Variants in ATF7 observed in about 807,000 individuals in gnomAD.
ATF7 encodes cyclic AMP-dependent transcription factor ATF-7.
In ATF7, 10 loss-of-function variants were observed where a neutral mutation model predicts 50.4. The ratio of observed to expected loss-of-function variants is 0.20; its 90% confidence interval spans 0.12 to 0.34. The LOEUF (loss-of-function observed/expected upper bound fraction) is 0.34. ATF7 is among the 10% of genes least tolerant of loss of function. The pLI, the probability that ATF7 is intolerant of heterozygous loss-of-function variation, is 1.00. For synonymous variants in ATF7, 201 were observed against 226.4 expected (o/e 0.89, Z 1.01); for missense variants, 465 against 613.9 (o/e 0.76, Z 2.56).
intron 2 of ATF7, among the ~76,000 whole-genome samples, chr12:53,568,425 C>T (rs953005999): frequency 1.3e-5 from 2 of 151,980 alleles, no homozygotes; most frequent in African/African-American, 4.8e-5. Context: ...TTCTCTCTCT[C>T]TCCTTCCCTC....
intron 2 of ATF7, among the ~76,000 whole-genome samples, chr12:53,564,114 G>A (rs2137579005): frequency 6.6e-6 from 1 of 152,282 alleles, no homozygotes; most frequent in Middle Eastern, 3.4e-3. Context: ...AGTGGCTTAT[G>A]CCTGTAATCC....
At chr12:53,575,628 T>C (rs2137657657) in intron 2 of ATF7, 1 of 151,852 alleles carries the variant, frequency 6.6e-6, no homozygotes, top group South Asian at 2.1e-4. Flanking sequence ...CAAGCATTAG[T>C]TTTTCATATG....
intron 1 of ATF7, among the ~76,000 whole-genome samples, chr12:53,615,081 A>G (rs1026775343): frequency 6.6e-6 from 1 of 151,726 alleles, no homozygotes; most frequent in African/African-American, 2.4e-5. Flanking sequence ...CGCCATCTCA[A>G]AAGAAAAGAA....
At chr12:53,592,915 T>A (rs1943006381) in intron 2 of ATF7, among the ~76,000 whole-genome samples, 1 of 152,168 alleles carries the variant, frequency 6.6e-6, no homozygotes, top group Non-Finnish European at 1.5e-5. Context: ...ATAAATAATA[T>A]TGGCAAACAC....
At chr12:53,510,211 G>T (rs537221807), downstream of ATF7, among the ~76,000 whole-genome samples, 1 of 152,020 alleles carries the variant, frequency 6.6e-6, no homozygotes, top group Non-Finnish European at 1.5e-5. Context: ...GGCTAGTTTT[G>T]TATTTTTAGT....
intron 9 of ATF7, among the ~76,000 whole-genome samples, chr12:53,531,503 G>A: frequency 6.6e-6 from 1 of 151,660 alleles, no homozygotes. Context: ...CTAACACAAG[G>A]GTGAATAAAG....
intron 2 of ATF7, chr12:53,575,956 T>C (rs575859990): frequency 1.3e-5 from 2 of 153,206 alleles, no homozygotes; most frequent in Admixed American, 1.3e-4. Context: ...ATGCCAGGAG[T>C]TGTGGACAAA....
chr12:53,605,004 T>C (rs1490675770), intron 1 of ATF7, among the ~76,000 whole-genome samples: 2 of 152,148 alleles, frequency 1.3e-5, no homozygotes, highest in African/African-American at 2.4e-5. Flanking sequence ...AGTATACATA[T>C]CATTTAGACG....
At chr12:53,606,919 T>G (rs1288911938) in intron 1 of ATF7, among the ~76,000 whole-genome samples, 3 of 152,120 alleles carry the variant, frequency 2.0e-5, no homozygotes, top group African/African-American at 7.2e-5. Flanking sequence ...TGCATAGTAT[T>G]CCATGGTGTA....
intron 4 of ATF7, chr12:53,543,030 T>A (rs1022231645): frequency 7.9e-7 from 1 of 1,259,382 alleles, no homozygotes; most frequent in South Asian, 2.4e-5. Context: ...CCTTTTAACA[T>A]CTTCAACATA....
intron 1 of ATF7, among the ~76,000 whole-genome samples, chr12:53,623,139 T>G (rs1047297256): frequency 6.6e-6 from 1 of 152,162 alleles, no homozygotes; most frequent in Non-Finnish European, 1.5e-5. Context: ...ATGTAAAAAA[T>G]GTTCTAAAAG....
chr12:53,517,545 G>A, intron 11 of ATF7, 191 bp from the exon 12 acceptor site: 1 of 610,856 alleles, frequency 1.6e-6, no homozygotes, highest in Non-Finnish European at 2.9e-6. Flanking sequence ...GAAGTTGTAA[G>A]AAGGGAAGAA....
intron 2 of ATF7, among the ~76,000 whole-genome samples, chr12:53,583,997 T>C (rs1172272373): frequency 2.6e-5 from 4 of 152,216 alleles, no homozygotes; most frequent in Non-Finnish European, 4.4e-5. Context: ...TATTATTTTT[T>C]GAGACAGACT....
intron 2 of ATF7, among the ~76,000 whole-genome samples, chr12:53,564,964 A>G (rs960499249): frequency 6.6e-6 from 1 of 152,136 alleles, no homozygotes; most frequent in Non-Finnish European, 1.5e-5. Context: ...TCTTCTTCCA[A>G]TGTGGCCCAG....
chr12:53,564,654 TA>T (rs1369453061), intron 2 of ATF7, among the ~76,000 whole-genome samples: 1 of 152,166 alleles, frequency 6.6e-6, no homozygotes, highest in Non-Finnish European at 1.5e-5. Context: ...ATGTTACAAT[TA>T]AATCAACAAG....
At chr12:53,585,207 C>G (rs1003161919) in intron 2 of ATF7, among the ~76,000 whole-genome samples, 1 of 152,072 alleles carries the variant, frequency 6.6e-6, no homozygotes, top group Non-Finnish European at 1.5e-5. Flanking sequence ...AACTCCTGGG[C>G]TCCAGCAATC....
intron 2 of ATF7, among the ~76,000 whole-genome samples, chr12:53,553,853 G>A (rs551833539): frequency 6.6e-6 from 1 of 152,246 alleles, no homozygotes; most frequent in South Asian, 2.1e-4. Context: ...CTTTTCCAAA[G>A]CTCTTCTTGA....
chr12:53,566,740 G>GT (rs150167058), intron 2 of ATF7, among the ~76,000 whole-genome samples: 6,503 of 151,588 alleles, frequency 0.043, 392 homozygotes, highest in African/African-American at 0.13. Flanking sequence ...TGTTGACACA[G>GT]TTTTTTTTTG....
At chr12:53,511,746 G>C (rs529686871), downstream of ATF7, among the ~76,000 whole-genome samples, 1 of 152,264 alleles carries the variant, frequency 6.6e-6, no homozygotes, top group East Asian at 1.9e-4. Context: ...TCTCCCACCC[G>C]CCATCCACAT....
Sources: gnomAD v4.1 joint callset for allele counts (sites outside exome capture counted in the v4.1 genomes callset) on GRCh38, gnomAD v4.1.1 for gene constraint, MANE v1.5 for transcripts, NCBI Gene and HGNC (gene_info 2026-07-23, HGNC 2026-07-21) for gene names.